DMD: variants seen among roughly 807,000 people sequenced by gnomAD.
The protein encoded by DMD is mutant dystrophin.
A neutral mutation model predicts 330.1 loss-of-function variants in DMD; 63 were observed. That is an observed-to-expected ratio of 0.19 (90% confidence interval 0.16 to 0.24). DMD has a LOEUF of 0.24. DMD is among the 10% of genes least tolerant of loss of function. The pLI, the probability that DMD is intolerant of heterozygous loss-of-function variation, is 1.00. For missense variants in DMD, 3,344 were observed against 2,684.1 expected, an observed-to-expected ratio of 1.25 and a Z score of -5.43; for synonymous variants, 1,223 against 959.8, an observed-to-expected ratio of 1.27 and a Z score of -5.07.
intron 1 of DMD, among the ~76,000 whole-genome samples, chrX:33,241,953 G>A (rs1428164294): frequency 2.7e-5 from 3 of 110,898 alleles, no homozygotes; most frequent in Non-Finnish European, 5.7e-5. Flanking sequence ...GTAGAGACAG[G>A]GCTTCACCAC....
intron 18 of DMD, among the ~76,000 whole-genome samples, chrX:32,507,117 T>C (rs746285438): frequency 3.6e-5 from 4 of 111,604 alleles, no homozygotes; most frequent in Non-Finnish European, 5.7e-5. Flanking sequence ...TAAGTAAATA[T>C]GTAATGTAAA....
chrX:32,766,786 A>G (rs988453384), intron 7 of DMD, among the ~76,000 whole-genome samples: 4 of 111,573 alleles, frequency 3.6e-5, no homozygotes, highest in African/African-American at 9.8e-5. Flanking sequence ...TCTCTCCACA[A>G]AAGTCTTTGA....
At chrX:32,504,755 T>G (rs760096385) in intron 18 of DMD, among the ~76,000 whole-genome samples, 27 of 111,424 alleles carry the variant, frequency 2.4e-4, no homozygotes, top group Non-Finnish European at 4.3e-4. Context: ...TGCGGACTAC[T>G]AGAGTGGGGA....
intron 1 of DMD, among the ~76,000 whole-genome samples, chrX:33,181,939 A>G (rs2050024403): frequency 8.9e-6 from 1 of 112,062 alleles, no homozygotes; most frequent in South Asian, 3.7e-4. Flanking sequence ...AAAATAAATA[A>G]ATAAGTGCCC....
chrX:32,533,557 T>A (rs2047675016), intron 17 of DMD, among the ~76,000 whole-genome samples: 1 of 112,197 alleles, frequency 8.9e-6, no homozygotes, highest in African/African-American at 3.2e-5. Flanking sequence ...AAAACTTTTC[T>A]AACATTTTAT....
chrX:31,133,562 C>T (rs865981093), intron 77 of DMD, among the ~76,000 whole-genome samples: 2 of 111,667 alleles, frequency 1.8e-5, no homozygotes, highest in East Asian at 2.8e-4. Flanking sequence ...TTTCCTCTAT[C>T]GAAGTAAAAA....
chrX:32,664,526 C>A (rs756707283), intron 9 of DMD, among the ~76,000 whole-genome samples: 9 of 109,127 alleles, frequency 8.2e-5, no homozygotes, highest in African/African-American at 2.8e-4. Context: ...CAGGCGTGAG[C>A]CACCGCATCC....
At chrX:32,766,169 C>G (rs1449924859) in intron 7 of DMD, among the ~76,000 whole-genome samples, 1 of 111,018 alleles carries the variant, frequency 9.0e-6, no homozygotes, top group African/African-American at 3.3e-5. Context: ...ATCGTTTCAA[C>G]TATTCCTGGA....
chrX:32,022,768 A>G lies in DMD; in HGVS notation c.6439-54254T>C, dbSNP rs7885559. On this transcript the variant is annotated intron_variant, in intron 44 of 78. Transcript: ENST00000357033. ...AATGCAAACAGGGAAACAATGTCAT[A>G]TATTGCAAAAAAGGATTTGTTTGGG... is the stretch of plus-strand genomic sequence containing the variant. 1.6e-3 allele frequency among the ~76,000 whole-genome samples: 173 copies of G among 111,102 alleles called. 2 individuals are homozygous for G. Among genetic ancestry groups the G allele is most frequent in the African/African-American group, 5.5e-3 (169 of 30,623 alleles).
chrX:31,417,332 G>A (rs759751204), intron 60 of DMD, among the ~76,000 whole-genome samples: 5 of 106,080 alleles, frequency 4.7e-5, no homozygotes, highest in Non-Finnish European at 5.8e-5. Flanking sequence ...TCGCTCTGTC[G>A]CCAGGCTGGA....
chrX:32,501,016 A>G (rs2043999503), intron 19 of DMD, among the ~76,000 whole-genome samples: 1 of 112,182 alleles, frequency 8.9e-6, no homozygotes, highest in Non-Finnish European at 1.9e-5. Context: ...TGGAAATAGC[A>G]TTATCCCTGA....
chrX:33,005,275 A>AAC (rs376666672), intron 2 of DMD, among the ~76,000 whole-genome samples: 1,490 of 102,630 alleles, frequency 0.015, 32 homozygotes, highest in African/African-American at 0.049. Flanking sequence ...CACACACACA[A>AAC]ACACACACAC....
At chrX:31,505,332 A>C (rs1452921862) in intron 56 of DMD, among the ~76,000 whole-genome samples, 1 of 111,653 alleles carries the variant, frequency 9.0e-6, no homozygotes, top group Non-Finnish European at 1.9e-5. Context: ...GTTGACACAA[A>C]ATTCATATAC....
At chrX:31,905,432 T>A (rs921672235) in intron 47 of DMD, among the ~76,000 whole-genome samples, 4 of 111,221 alleles carry the variant, frequency 3.6e-5, no homozygotes, top group Non-Finnish European at 7.5e-5. Flanking sequence ...TTTTACATGT[T>A]AAATTGGAAG....
intron 44 of DMD, among the ~76,000 whole-genome samples, chrX:32,210,801 T>A (rs1300670134): frequency 9.0e-6 from 1 of 111,448 alleles, no homozygotes; most frequent in African/African-American, 3.3e-5. Context: ...ACCTGTTAGA[T>A]AAGGGCTTTC....
At chrX:31,209,051 C>T (rs1043621854) in intron 65 of DMD, among the ~76,000 whole-genome samples, 3 of 111,468 alleles carry the variant, frequency 2.7e-5, no homozygotes, top group Non-Finnish European at 5.7e-5. Context: ...TTTTGTTTGG[C>T]CTATCAATTC....
At chrX:31,374,790 T>C (rs1345835062) in intron 60 of DMD, among the ~76,000 whole-genome samples, 1 of 108,796 alleles carries the variant, frequency 9.2e-6, no homozygotes, top group East Asian at 2.9e-4. Context: ...ACCTGCACAT[T>C]GTGCACATGT....
At position 32,723,227 on chromosome X, in the gene DMD, G is replaced by A. The variant is rs149646565; in HGVS notation, c.650-23934C>T. 2.7e-3 allele frequency among the ~76,000 whole-genome samples: 302 copies of A among 111,322 alleles called. 1 individual carries two copies. The highest frequency in any genetic ancestry group is 9.3e-3 in the African/African-American group (286 of 30,668). On this transcript the variant is annotated intron_variant, in intron 7 of 78. Transcript: ENST00000357033. ...CATCTTTCTGTTAATGTAGTATGTC[G>A]CATTGATTGATTTGTGTATGTTAAA...
At chrX:32,846,264 A>C (rs927598551) in intron 3 of DMD, among the ~76,000 whole-genome samples, 15 of 112,076 alleles carry the variant, frequency 1.3e-4, no homozygotes, top group African/African-American at 4.5e-4. Context: ...CATATAACTA[A>C]TAATTGGTGG....
Sources: gnomAD v4.1 joint callset for allele counts (sites outside exome capture counted in the v4.1 genomes callset) on GRCh38, gnomAD v4.1.1 for gene constraint, MANE v1.5 for transcripts, NCBI Gene and HGNC (gene_info 2026-07-23, HGNC 2026-07-21) for gene names.